The following CNNM1 variants were observed in gnomAD, a reference collection of about 807,000 sequenced individuals.
The protein encoded by CNNM1 is cyclin and CBS domain divalent metal cation transport mediator 1.
A neutral mutation model predicts 78.8 loss-of-function variants in CNNM1; 44 were observed. That is an observed-to-expected ratio of 0.56 (90% CI 0.44 to 0.72). The LOEUF is 0.72. Among genes scored for constraint, CNNM1 ranks in the 30% least tolerant of loss-of-function variants. The probability of loss-of-function intolerance (pLI) is 0.00; values close to 1 mark genes in which losing one functional copy is unlikely to be tolerated. For synonymous variants in CNNM1, 584 were observed against 581.5 expected (o/e 1.00, Z -0.06); for missense variants, 1,101 against 1,292.2 (o/e 0.85, Z 2.27).
At chr10:99,356,295 G>A (rs1180979848) in intron 1 of CNNM1, among the ~76,000 whole-genome samples, 2 of 152,126 alleles carry the variant, frequency 1.3e-5, no homozygotes, top group East Asian at 3.9e-4. Flanking sequence ...GGCCAACATG[G>A]TGAAACCCCA....
chr10:99,377,323 T>G, intron 7 of CNNM1, 105 bp downstream of exon 7: 121 of 1,020,772 alleles, frequency 1.2e-4, no homozygotes, highest in Middle Eastern at 2.2e-4. Context: ...GTGTGCACCA[T>G]TCCCCTGTGT....
intron 7 of CNNM1, among the ~76,000 whole-genome samples, chr10:99,381,762 AC>A (rs201662035): frequency 0.047 from 7,006 of 150,450 alleles, 467 homozygotes; most frequent in African/African-American, 0.16. Flanking sequence ...AAACCAAAAA[AC>A]AAAAAAAAAA....
chr10:99,360,009 A>C (rs918940761), intron 2 of CNNM1, among the ~76,000 whole-genome samples: 1 of 112,640 alleles, frequency 8.9e-6, no homozygotes, highest in African/African-American at 2.8e-5. Flanking sequence ...AGAACAAATT[A>C]AATTGGAAAA....
chr10:99,387,890 T>G lies in CNNM1; in HGVS notation c.2411T>G (p.Met804Arg). The G allele has an allele frequency of 6.2e-7, 1 of 1,613,756 alleles. No homozygotes were observed. The highest frequency in any genetic ancestry group is 8.5e-7 in the Non-Finnish European group (1 of 1,179,812). ...HMDSSPQSPDMEAFTDGDSTK... is the reference protein window; with the variant it reads ...HMDSSPQSPDREAFTDGDSTK... ...GACAGCTCACCTCAGTCCCCTGACA[T>G]GGAGGCCTTCACAGACGGGGACTCC... Residue 804 changes from methionine (M) to arginine (R), a missense_variant, in exon 8 of 11, where the codon ATG (methionine) becomes AGG (arginine). By Grantham distance (91) the Met-to-Arg change is moderately conservative (BLOSUM62 -1). Transcript: ENST00000356713.
intron 6 of CNNM1, among the ~76,000 whole-genome samples, chr10:99,365,808 G>C (rs1358591606): frequency 6.6e-6 from 1 of 152,192 alleles, no homozygotes; most frequent in African/African-American, 2.4e-5. Flanking sequence ...CATAAAAAAA[G>C]ATTTTACATA....
chr10:99,362,202 TC>T (rs1216469463), intron 3 of CNNM1, 24 bp from the exon 4 acceptor site: 1 of 1,584,010 alleles, frequency 6.3e-7, no homozygotes, highest in Non-Finnish European at 8.6e-7. Flanking sequence ...TGCTGATTCC[TC>T]CCTTCCCACT....
chr10:99,344,653 G>A (rs2134024402), intron 1 of CNNM1, among the ~76,000 whole-genome samples: 1 of 151,882 alleles, frequency 6.6e-6, no homozygotes, highest in Non-Finnish European at 1.5e-5. Flanking sequence ...TTAGAATTCA[G>A]TTTCCTCCCC....
At chr10:99,356,510 GAA>G (rs770328858) in intron 1 of CNNM1, among the ~76,000 whole-genome samples, 6 of 121,282 alleles carry the variant, frequency 4.9e-5, no homozygotes, top group Non-Finnish European at 1.8e-5. Flanking sequence ...GAGAGAGAGA[GAA>G]AGAGAAAGAG....
chr10:99,360,735 A>C, intron 2 of CNNM1, 100 bp from the exon 3 acceptor site: 1 of 1,423,384 alleles, frequency 7.0e-7, no homozygotes, highest in Non-Finnish European at 9.5e-7. Context: ...CATAGTTGAC[A>C]CTGCAGAAAT....
intron 10 of CNNM1, among the ~76,000 whole-genome samples, chr10:99,391,173 C>T (rs1037639973): frequency 2.0e-5 from 3 of 152,342 alleles, no homozygotes; most frequent in African/African-American, 7.2e-5. Flanking sequence ...TTACTCAGTC[C>T]CCTCCAGGAA....
chr10:99,367,445 T>G (rs546664637), intron 6 of CNNM1, among the ~76,000 whole-genome samples: 92 of 152,278 alleles, frequency 6.0e-4, no homozygotes, highest in African/African-American at 2.2e-3. Context: ...TGGTTCTGAT[T>G]GCCAGGAACC....
chr10:99,390,452 G>A (rs769678308), intron 10 of CNNM1, 45 bp downstream of exon 10: 15 of 1,373,080 alleles, frequency 1.1e-5, no homozygotes, highest in Non-Finnish European at 1.5e-5. Context: ...CCCTGCTGAT[G>A]GTTAGTAGGA....
chr10:99,376,510 T>C (rs2031967035), intron 6 of CNNM1, among the ~76,000 whole-genome samples: 1 of 152,150 alleles, frequency 6.6e-6, no homozygotes, highest in African/African-American at 2.4e-5. Flanking sequence ...ACATGAGGAT[T>C]GGTTGTCTGT....
At chr10:99,359,963 G>T (rs942301127) in intron 2 of CNNM1, among the ~76,000 whole-genome samples, 18 of 151,190 alleles carry the variant, frequency 1.2e-4, no homozygotes, top group Non-Finnish European at 2.7e-4. Flanking sequence ...GGCCGGGGGG[G>T]AAGTAGATAT....
Position 99,330,203 on chromosome 10 carries a change from G to A in CNNM1, c.816G>A (p.Val272=). Residue 272 remains valine, a synonymous_variant, in exon 1 of 11, where the codon GTG becomes GTA. Transcript: ENST00000356713. ...CCGAGCAGGAGCAGGCGCGCCGCGTGCAGGCCGTTCGCGGCAGGGGGACCC... is the reference window on the plus strand; with the variant it reads ...CCGAGCAGGAGCAGGCGCGCCGCGTACAGGCCGTTCGCGGCAGGGGGACCC... ...SAAEQEQARR[V]QAVRGRGTHL... 1.3e-6 allele frequency: 2 copies of A among 1,511,482 alleles called. No homozygotes were observed. Among genetic ancestry groups the A allele is most frequent in the South Asian group, 2.6e-5 (2 of 77,548 alleles). 93.6% of individuals were successfully genotyped at this position (1,511,482 alleles called of 1,614,324 possible).
intron 7 of CNNM1, among the ~76,000 whole-genome samples, chr10:99,380,936 C>T (rs1156809216): frequency 6.6e-6 from 1 of 151,998 alleles, no homozygotes; most frequent in East Asian, 1.9e-4. Flanking sequence ...TGTTGAAAAC[C>T]CCAAGTCCCA....
intron 4 of CNNM1, among the ~76,000 whole-genome samples, chr10:99,362,922 C>G (rs923883812): frequency 6.6e-6 from 1 of 152,166 alleles, no homozygotes; most frequent in Non-Finnish European, 1.5e-5. Context: ...ATCTTCTCCC[C>G]CTTCAGAGGA....
intron 7 of CNNM1, among the ~76,000 whole-genome samples, chr10:99,384,907 A>G (rs1018828973): frequency 6.6e-6 from 1 of 152,156 alleles, no homozygotes; most frequent in Non-Finnish European, 1.5e-5. Flanking sequence ...TATCTATTAA[A>G]AATACAAAAA....
chr10:99,350,022 A>G (rs1589893641), intron 1 of CNNM1, among the ~76,000 whole-genome samples: 2 of 152,046 alleles, frequency 1.3e-5, no homozygotes, highest in East Asian at 3.9e-4. Context: ...AAAACACAAA[A>G]AACAGCTATC....
Sources: gnomAD v4.1 joint callset for allele counts (sites outside exome capture counted in the v4.1 genomes callset) on GRCh38, gnomAD v4.1.1 for gene constraint, MANE v1.5 for transcripts, NCBI Gene and HGNC (gene_info 2026-07-23, HGNC 2026-07-21) for gene names.